Variants in ABCC1 observed in about 807,000 individuals in gnomAD.
ABCC1 encodes multidrug resistance-associated protein 1.
In ABCC1, 83 loss-of-function variants were observed where a neutral mutation model predicts 172.9. That is an observed-to-expected ratio of 0.48 (90% CI 0.40 to 0.58). The LOEUF (loss-of-function observed/expected upper bound fraction) is 0.58. Among genes scored for constraint, ABCC1 ranks in the 20% least tolerant of loss-of-function variants. The pLI, the probability that ABCC1 is intolerant of heterozygous loss-of-function variation, is 0.00. For synonymous variants in ABCC1, 937 were observed against 825.2 expected, an observed-to-expected ratio of 1.14 and a Z score of -2.32; for missense variants, 1,817 against 2,002.7, an observed-to-expected ratio of 0.91 and a Z score of 1.77.
At chr16:16,134,297 G>A in intron 27 of ABCC1, 53 bp from the exon 28 acceptor site, 1 of 1,606,166 alleles carries the variant, frequency 6.2e-7, no homozygotes, top group Non-Finnish European at 8.5e-7. Context: ...TTGGGGCAGG[G>A]ACAAGTCCGG....
chr16:16,125,049 C>A, intron 25 of ABCC1, 134 bp downstream of exon 25: 1 of 1,236,800 alleles, frequency 8.1e-7, no homozygotes, highest in Non-Finnish European at 1.1e-6. Flanking sequence ...GGAGCAGGTA[C>A]AGTGCCACAG....
intron 10 of ABCC1, among the ~76,000 whole-genome samples, chr16:16,050,235 C>T (rs535635969): frequency 7.2e-5 from 11 of 151,972 alleles, no homozygotes; most frequent in South Asian, 2.1e-4. Flanking sequence ...GAGGCCAAGG[C>T]GGGTGGATCA....
At chr16:16,087,444 CT>C (rs2051055434) in intron 18 of ABCC1, among the ~76,000 whole-genome samples, 1 of 151,886 alleles carries the variant, frequency 6.6e-6, no homozygotes, top group Non-Finnish European at 1.5e-5. Flanking sequence ...CACACTGGCT[CT>C]TTTTTTTCTC....
At chr16:16,047,092 G>T (rs980822096) in intron 9 of ABCC1, among the ~76,000 whole-genome samples, 7 of 152,104 alleles carry the variant, frequency 4.6e-5, no homozygotes, top group African/African-American at 1.4e-4. Context: ...CGTCTACTCA[G>T]GAGATTGAGT....
chr16:16,109,907 C>G (rs755223665), intron 21 of ABCC1, among the ~76,000 whole-genome samples: 3 of 152,088 alleles, frequency 2.0e-5, no homozygotes, highest in Non-Finnish European at 4.4e-5. Context: ...AATCCTGACC[C>G]GAGTCTCCCA....
chr16:16,084,097 CTTTT>C (rs928613302), intron 17 of ABCC1, among the ~76,000 whole-genome samples: 11 of 152,082 alleles, frequency 7.2e-5, no homozygotes, highest in Non-Finnish European at 1.5e-4. Context: ...TTCTTTCTTT[CTTTT>C]TATTTATTTA....
chr16:16,011,427 A>G (rs756913465), intron 3 of ABCC1, among the ~76,000 whole-genome samples: 34 of 152,094 alleles, frequency 2.2e-4, no homozygotes, highest in Non-Finnish European at 4.1e-4. Context: ...AGGAAAGACA[A>G]CGTGGAGCCA....
intron 4 of ABCC1, among the ~76,000 whole-genome samples, 173 bp downstream of exon 4, chr16:16,014,801 C>T (rs2047934023): frequency 6.6e-6 from 1 of 152,196 alleles, no homozygotes; most frequent in Admixed American, 6.5e-5. Flanking sequence ...CTCACTAAAT[C>T]AGCCCCAGCC....
chr16:16,029,350 G>A (rs2048484429), intron 5 of ABCC1, among the ~76,000 whole-genome samples: 1 of 152,134 alleles, frequency 6.6e-6, no homozygotes, highest in Admixed American at 6.6e-5. Context: ...AGCCTCTTGA[G>A]TAGCTGGGAC....
At chr16:16,051,910 CT>C (rs1463882047) in intron 10 of ABCC1, among the ~76,000 whole-genome samples, 2 of 152,186 alleles carry the variant, frequency 1.3e-5, no homozygotes, top group African/African-American at 4.8e-5. Flanking sequence ...CGTGTTCACA[CT>C]TTTCTGCTTA....
chr16:16,126,709 C>T (rs1442859993), intron 26 of ABCC1, among the ~76,000 whole-genome samples: 1 of 152,120 alleles, frequency 6.6e-6, no homozygotes, highest in Non-Finnish European at 1.5e-5. Context: ...ATAGGGGACT[C>T]CTGTTACGGA....
intron 16 of ABCC1, 22 bp downstream of exon 16, chr16:16,079,500 A>G: frequency 3.1e-6 from 5 of 1,597,408 alleles, no homozygotes; most frequent in Non-Finnish European, 4.3e-6. Flanking sequence ...ACCAGCGGGG[A>G]GGGGCAGTGG....
At chr16:16,081,575 TGG>T (rs1287103009) in intron 16 of ABCC1, among the ~76,000 whole-genome samples, 1 of 152,180 alleles carries the variant, frequency 6.6e-6, no homozygotes, top group African/African-American at 2.4e-5. Context: ...GAAATTTCTG[TGG>T]GTTCTATGGT....
At chr16:15,992,406 T>C (rs1597080551) in intron 1 of ABCC1, among the ~76,000 whole-genome samples, 1 of 152,274 alleles carries the variant, frequency 6.6e-6, no homozygotes, top group African/African-American at 2.4e-5. Flanking sequence ...GATGGCTGTC[T>C]TTTTTTCTTT....
At chr16:16,104,573 T>G (rs2051975111) in intron 20 of ABCC1, among the ~76,000 whole-genome samples, 2 of 152,194 alleles carry the variant, frequency 1.3e-5, no homozygotes, top group Non-Finnish European at 2.9e-5. Context: ...GGCCTCCAAG[T>G]CAGCACCAGA....
intron 1 of ABCC1, among the ~76,000 whole-genome samples, chr16:15,952,537 G>C (rs2045896252): frequency 6.6e-6 from 1 of 151,986 alleles, no homozygotes; most frequent in Admixed American, 6.6e-5. Flanking sequence ...TCAGACAGAT[G>C]CTCTGGGAAG....
chr16:16,014,785 C>A (rs45561831), intron 4 of ABCC1, among the ~76,000 whole-genome samples, 157 bp downstream of exon 4: 11,826 of 152,206 alleles, frequency 0.078, 523 homozygotes, highest in Non-Finnish European at 0.091. Flanking sequence ...CCTACCCCAC[C>A]AAATCCTCAC....
intron 27 of ABCC1, among the ~76,000 whole-genome samples, chr16:16,133,438 CT>C (rs2045786060): frequency 6.6e-6 from 1 of 152,042 alleles, no homozygotes. Flanking sequence ...GCCTCTCACT[CT>C]GTCACCCAGG....
chr16:15,956,652 A>G (rs957858373), intron 1 of ABCC1, among the ~76,000 whole-genome samples: 4 of 152,138 alleles, frequency 2.6e-5, no homozygotes, highest in African/African-American at 7.2e-5. Flanking sequence ...CATACCTTGT[A>G]TATATATTAT....
Sources: allele counts gnomAD v4.1 joint callset (sites outside exome capture counted in the v4.1 genomes callset), GRCh38; gene constraint gnomAD v4.1.1; transcripts MANE v1.5; gene names NCBI Gene and HGNC (gene_info 2026-07-23, HGNC 2026-07-21).